POM121: variants seen among roughly 807,000 people sequenced by gnomAD.
POM121 encodes the protein nuclear envelope pore membrane protein POM 121.
In POM121, 32 loss-of-function variants were observed where a neutral mutation model predicts 81.3. The observed-to-expected ratio is 0.39, with a 90% CI of 0.30 to 0.53. POM121 has a LOEUF of 0.53. Among genes scored for constraint, POM121 ranks in the 20% least tolerant of loss-of-function variants. POM121 has a pLI of 0.66. For missense variants in POM121, 1,138 were observed against 1,614.6 expected, an observed-to-expected ratio of 0.70 and a Z score of 5.06; for synonymous variants, 514 against 694.2, an observed-to-expected ratio of 0.74 and a Z score of 4.08.
At chr7:72,949,103 C>A, downstream of POM121, 1 of 1,605,140 alleles carries the variant, frequency 6.2e-7, no homozygotes, top group Non-Finnish European at 8.5e-7. Context: ...CTCGGCATAC[C>A]TAAGGAAAAG....
At chr7:72,881,687 T>TGGCATGATCTCGCTTCACTGCAGC (rs1406639064) in intron 1 of POM121, among the ~76,000 whole-genome samples, 2 of 152,200 alleles carry the variant, frequency 1.3e-5, no homozygotes, top group African/African-American at 4.8e-5. Context: ...TGCAGTGCAG[T>TGGCATGATCTCGCTTCACTGCAGC]GGCATGATCT....
downstream of POM121, chr7:72,948,981 C>T (rs1408189198): frequency 5.0e-6 from 8 of 1,611,134 alleles, no homozygotes; most frequent in South Asian, 2.2e-5. Context: ...AGACGAGCCG[C>T]TGCAGGGAAG....
chr7:72,929,456 G>T (rs1312261670), intron 4 of POM121, among the ~76,000 whole-genome samples: 1 of 152,166 alleles, frequency 6.6e-6, no homozygotes, highest in African/African-American at 2.4e-5. Context: ...TCCATTGGAG[G>T]TTTAGTAAAA....
intron 3 of POM121, among the ~76,000 whole-genome samples, chr7:72,904,211 G>A (rs1388505384): frequency 6.6e-6 from 1 of 152,208 alleles, no homozygotes; most frequent in Non-Finnish European, 1.5e-5. Flanking sequence ...TTCTGAGAAT[G>A]TGCTCTGCAC....
intron 3 of POM121, among the ~76,000 whole-genome samples, chr7:72,908,624 C>T (rs1307510889): frequency 6.6e-6 from 1 of 152,156 alleles, no homozygotes; most frequent in Non-Finnish European, 1.5e-5. Context: ...GAACTTATTT[C>T]CTCCCTTATC....
At chr7:72,898,075 G>A (rs1792149932) in intron 3 of POM121, among the ~76,000 whole-genome samples, 3 of 152,184 alleles carry the variant, frequency 2.0e-5, no homozygotes, top group Admixed American at 1.3e-4. Flanking sequence ...CATGCAGTGT[G>A]TAAGAGAAAG....
chr7:72,889,916 A>G (rs1366037058), intron 1 of POM121, among the ~76,000 whole-genome samples: 2 of 152,262 alleles, frequency 1.3e-5, no homozygotes, highest in Non-Finnish European at 1.5e-5. Context: ...TACACAATTC[A>G]TCTTTAAGGA....
At chr7:72,924,226 G>C (rs1312015760), upstream of POM121, among the ~76,000 whole-genome samples, 1 of 148,726 alleles carries the variant, frequency 6.7e-6, no homozygotes, top group South Asian at 2.2e-4. Context: ...GATTACAGGC[G>C]TGAGCCACCG....
Position 72,880,999 on chromosome 7 carries a change from A to T in POM121, c.-521+1114A>T, listed in dbSNP as rs1410803527. On this transcript the variant is annotated intron_variant, in intron 1 of 15. Coordinates refer to the POM121 transcript ENST00000395270. Reference sequence around the variant, plus strand: ...TGTAAAAGGAGTCGTGCTACCCATGAGAGTCTAACTCATCTAATTACTACC... The same window carrying T: ...TGTAAAAGGAGTCGTGCTACCCATGTGAGTCTAACTCATCTAATTACTACC... Among the ~76,000 whole-genome samples, 3 of 90,722 alleles carry T rather than the reference A, an allele frequency of 3.3e-5. 1 individual carries two copies. In the East Asian group the frequency reaches 9.0e-4, roughly 27 times the overall value. The allele number at this position is 90,722 out of a possible 152,430, so 59.5% of individuals were successfully genotyped here.
chr7:72,905,953 T>C (rs1554493373), intron 3 of POM121, among the ~76,000 whole-genome samples: 1 of 152,224 alleles, frequency 6.6e-6, no homozygotes, highest in East Asian at 1.9e-4. Context: ...ACGTTGCATT[T>C]TAAGTGTTAC....
At chr7:72,927,185 T>C (rs540372795) in intron 3 of POM121, among the ~76,000 whole-genome samples, 1 of 152,348 alleles carries the variant, frequency 6.6e-6, no homozygotes, top group Non-Finnish European at 1.5e-5. Flanking sequence ...CCGTGAGTAG[T>C]AGAGATAAGC....
Position 72,882,829 on chromosome 7 carries a change from G to A in POM121, c.-521+2944G>A. 1.3e-5 allele frequency among the ~76,000 whole-genome samples: 2 copies of A among 152,104 alleles called. 1 individual carries two copies. Among genetic ancestry groups the A allele is most frequent in the African/African-American group, 4.8e-5 (2 of 41,412 alleles). On this transcript the variant is annotated intron_variant, in intron 1 of 15. Coordinates refer to the POM121 transcript ENST00000395270. ...CGTTTTGTCCTTTTCACTTTGCTAA[G>A]TCAGTCAGTAAAGGTGACCAGTGAT...
At chr7:72,893,441 G>C (rs554652981) in intron 3 of POM121, among the ~76,000 whole-genome samples, 1 of 151,966 alleles carries the variant, frequency 6.6e-6, no homozygotes, top group Non-Finnish European at 1.5e-5. Context: ...AAAATTAGCC[G>C]GGCGTGGTGG....
intron 3 of POM121, among the ~76,000 whole-genome samples, chr7:72,894,406 C>T (rs1291847062): frequency 2.6e-5 from 4 of 151,398 alleles, no homozygotes; most frequent in East Asian, 1.9e-4. Context: ...GGTGAAACCC[C>T]GTCTCTACTA....
At chr7:72,909,289 C>G (rs1793578316) in intron 3 of POM121, among the ~76,000 whole-genome samples, 1 of 152,068 alleles carries the variant, frequency 6.6e-6, no homozygotes, top group African/African-American at 2.4e-5. Context: ...ATCTAAAATC[C>G]CTATGCAATA....
At chr7:72,943,785 C>A (rs1797381798) in intron 11 of POM121, among the ~76,000 whole-genome samples, 1 of 152,140 alleles carries the variant, frequency 6.6e-6, no homozygotes, top group Non-Finnish European at 1.5e-5. Flanking sequence ...CGCTTGTAAT[C>A]CCAATATTTT....
At chr7:72,904,973 A>G (rs1299719847) in intron 3 of POM121, among the ~76,000 whole-genome samples, 1 of 152,198 alleles carries the variant, frequency 6.6e-6, no homozygotes, top group Non-Finnish European at 1.5e-5. Flanking sequence ...CGCGCCCGTG[A>G]TCCAATCACC....
At chr7:72,938,936 T>C (rs1376118834) in intron 6 of POM121, among the ~76,000 whole-genome samples, 1 of 152,188 alleles carries the variant, frequency 6.6e-6, no homozygotes, top group Admixed American at 6.5e-5. Flanking sequence ...ACAGAGGCCA[T>C]GCAGAGTGGA....
upstream of POM121, among the ~76,000 whole-genome samples, chr7:72,923,589 ATTTTTTTTT>A (rs1187827150): frequency 1.7e-4 from 15 of 88,754 alleles, no homozygotes; most frequent in Non-Finnish European, 2.5e-4. Flanking sequence ...CGCCCGGCTA[ATTTTTTTTT>A]TTTTTTTTTT....
Sources: gnomAD v4.1 joint callset for allele counts (sites outside exome capture counted in the v4.1 genomes callset) on GRCh38, gnomAD v4.1.1 for gene constraint, MANE v1.5 for transcripts, NCBI Gene and HGNC (gene_info 2026-07-23, HGNC 2026-07-21) for gene names.